Variants in BMPR1B observed in about 807,000 individuals in gnomAD.
BMPR1B encodes bone morphogenetic protein receptor type 1B.
BMPR1B carries 12 observed loss-of-function variants against 59.1 expected under a neutral mutation model. That is an observed-to-expected ratio of 0.20 (90% CI 0.13 to 0.33). BMPR1B has a LOEUF of 0.33. BMPR1B is among the 10% of genes least tolerant of loss of function. The probability of loss-of-function intolerance (pLI) is 1.00; values close to 1 mark genes in which losing one functional copy is unlikely to be tolerated. For synonymous variants in BMPR1B, 237 were observed against 207.3 expected (o/e 1.14, Z -1.23); for missense variants, 550 against 610.9 (o/e 0.90, Z 1.05).
chr4:95,013,140 G>A (rs1269065832), intron 3 of BMPR1B, among the ~76,000 whole-genome samples: 5 of 151,766 alleles, frequency 3.3e-5, no homozygotes, highest in Admixed American at 6.6e-5. Context: ...TTAGTTAGGA[G>A]GCTGTACAAA....
At chr4:95,006,493 G>A (rs1722844145) in intron 3 of BMPR1B, among the ~76,000 whole-genome samples, 1 of 151,214 alleles carries the variant, frequency 6.6e-6, no homozygotes, top group Non-Finnish European at 1.5e-5. Flanking sequence ...CAATACTTAC[G>A]ATTATGTAGG....
Position 94,786,819 on chromosome 4 carries a change from C to T in BMPR1B, c.-183+28751C>T, listed in dbSNP as rs149568464. Among the ~76,000 whole-genome samples, 135 of 152,270 alleles carry T rather than the reference C, an allele frequency of 8.9e-4. 1 individual carries two copies. In the East Asian group the frequency reaches 0.023, roughly 26 times the overall value. On this transcript the variant is annotated intron_variant, in intron 1 of 12. Transcript: ENST00000515059. ...TTTGCCTCCCAAAGTGCTGGGATTACAGGCGTGAGCCATCGTGCCCAGCCC... is the reference window on the plus strand; with the variant it reads ...TTTGCCTCCCAAAGTGCTGGGATTATAGGCGTGAGCCATCGTGCCCAGCCC...
intron 3 of BMPR1B, among the ~76,000 whole-genome samples, chr4:95,022,083 C>T (rs1578942762): frequency 6.6e-6 from 1 of 152,134 alleles, no homozygotes; most frequent in African/African-American, 2.4e-5. Flanking sequence ...GCAGAAGACT[C>T]GTTAGATGGC....
chr4:94,999,929 T>C (rs1722324060), intron 3 of BMPR1B, among the ~76,000 whole-genome samples: 1 of 152,174 alleles, frequency 6.6e-6, no homozygotes, highest in African/African-American at 2.4e-5. Flanking sequence ...GAGAAGGAAG[T>C]TGACGTTTAA....
chr4:94,935,087 A>T lies in BMPR1B; in HGVS notation c.-113+59187A>T, dbSNP rs150171833. Among the ~76,000 whole-genome samples, 97 of 152,276 alleles carry T rather than the reference A, an allele frequency of 6.4e-4. 1 individual carries two copies. The East Asian group carries it at 0.018, about 29-fold the overall frequency. On this transcript the variant is annotated intron_variant, in intron 2 of 12. Coordinates refer to ENST00000515059, the MANE Select transcript of BMPR1B (RefSeq NM_001203.3). ...ATGAATTCCTAACTATGGTATTCAT[A>T]CTTCTTTCAGCAAGTAAATTAATTT...
At chr4:94,865,889 G>C (rs1726215153) in intron 1 of BMPR1B, among the ~76,000 whole-genome samples, 1 of 152,060 alleles carries the variant, frequency 6.6e-6, no homozygotes, top group Non-Finnish European at 1.5e-5. Context: ...TATCAAATGT[G>C]TTAAGTGGAT....
At chr4:94,777,318 T>C (rs1722409242) in intron 1 of BMPR1B, among the ~76,000 whole-genome samples, 1 of 152,060 alleles carries the variant, frequency 6.6e-6, no homozygotes, top group Non-Finnish European at 1.5e-5. Flanking sequence ...AAAATGAAAG[T>C]AGTTTTGAAT....
intron 1 of BMPR1B, among the ~76,000 whole-genome samples, chr4:94,838,171 T>C (rs1308325828): frequency 3.2e-5 from 4 of 126,952 alleles, no homozygotes; most frequent in Admixed American, 7.6e-5. Flanking sequence ...CAGTATTTTA[T>C]TGAGGATTTT....
intron 3 of BMPR1B, among the ~76,000 whole-genome samples, chr4:95,060,620 A>G (rs1046221951): frequency 1.3e-5 from 2 of 152,148 alleles, no homozygotes; most frequent in Admixed American, 6.6e-5. Context: ...TCTGTCTCCA[A>G]ATAGTCATGA....
At chr4:94,981,215 T>A (rs1359221534) in intron 2 of BMPR1B, among the ~76,000 whole-genome samples, 1 of 152,072 alleles carries the variant, frequency 6.6e-6, no homozygotes, top group East Asian at 1.9e-4. Context: ...CCTTTCTTTT[T>A]TTTTTTGAGA....
intron 3 of BMPR1B, among the ~76,000 whole-genome samples, chr4:95,062,235 A>G (rs1201291163): frequency 6.6e-6 from 1 of 152,118 alleles, no homozygotes; most frequent in East Asian, 1.9e-4. Flanking sequence ...TACCATCACC[A>G]CCACCTCCAA....
At chr4:95,033,899 T>C (rs980286470) in intron 3 of BMPR1B, among the ~76,000 whole-genome samples, 29 of 152,150 alleles carry the variant, frequency 1.9e-4, no homozygotes, top group Admixed American at 5.2e-4. Flanking sequence ...GCGTGCATAA[T>C]TATAATACAA....
At chr4:95,113,805 T>C (rs1000829764) in intron 4 of BMPR1B, among the ~76,000 whole-genome samples, 11 of 152,154 alleles carry the variant, frequency 7.2e-5, no homozygotes, top group Non-Finnish European at 1.5e-5. Context: ...CCCAGTTCCA[T>C]AACTGTTTGT....
chr4:95,013,664 C>T (rs1028288437), intron 3 of BMPR1B, among the ~76,000 whole-genome samples: 4 of 152,112 alleles, frequency 2.6e-5, no homozygotes, highest in Non-Finnish European at 4.4e-5. Context: ...AAAACAGCAA[C>T]GGTAAAGAAG....
At chr4:95,053,281 T>TTTGTG (rs947790944) in intron 3 of BMPR1B, among the ~76,000 whole-genome samples, 14 of 134,326 alleles carry the variant, frequency 1.0e-4, no homozygotes, top group African/African-American at 3.0e-4. Flanking sequence ...TGCAGGGCAC[T>TTTGTG]TGTGTGTGTG....
intron 2 of BMPR1B, among the ~76,000 whole-genome samples, chr4:94,913,129 T>G (rs1728349830): frequency 2.0e-5 from 3 of 152,164 alleles, no homozygotes; most frequent in African/African-American, 7.2e-5. Flanking sequence ...AATTTTTTAT[T>G]TGAGTAAAAT....
At chr4:94,959,596 G>A (rs1560567984) in intron 2 of BMPR1B, among the ~76,000 whole-genome samples, 1 of 152,012 alleles carries the variant, frequency 6.6e-6, no homozygotes, top group East Asian at 1.9e-4. Context: ...AGCCACATTG[G>A]CTATCTTTAT....
At chr4:94,950,706 G>C (rs1273772457) in intron 2 of BMPR1B, among the ~76,000 whole-genome samples, 1 of 152,134 alleles carries the variant, frequency 6.6e-6, no homozygotes, top group Non-Finnish European at 1.5e-5. Flanking sequence ...CTGTAGTATA[G>C]TTTGAAGTCA....
chr4:94,945,108 G>A (rs1204927905), intron 2 of BMPR1B, among the ~76,000 whole-genome samples: 1 of 152,172 alleles, frequency 6.6e-6, no homozygotes, highest in Admixed American at 6.5e-5. Flanking sequence ...AGGGGCAACG[G>A]CCATTTAGCA....
Sources: gnomAD v4.1 joint callset for allele counts (sites outside exome capture counted in the v4.1 genomes callset) on GRCh38, gnomAD v4.1.1 for gene constraint, MANE v1.5 for transcripts, NCBI Gene and HGNC (gene_info 2026-07-23, HGNC 2026-07-21) for gene names.